The following SETD5 variants were observed in gnomAD, a reference collection of about 807,000 sequenced individuals.
SETD5 encodes the protein histone-lysine N-methyltransferase SETD5.
SETD5 carries 44 observed loss-of-function variants against 153.3 expected under a neutral mutation model. The ratio of observed to expected loss-of-function variants is 0.29; its 90% confidence interval spans 0.23 to 0.37. The LOEUF (loss-of-function observed/expected upper bound fraction) is 0.37. Ranked by LOEUF, SETD5 falls within the 10% of genes least tolerant of loss-of-function variation. The pLI is 1.00. For synonymous variants in SETD5, 716 were observed against 645.2 expected (o/e 1.11, Z -1.66); for missense variants, 1,544 against 1,768.0 (o/e 0.87, Z 2.27).
intron 17 of SETD5, among the ~76,000 whole-genome samples, chr3:9,458,966 A>G (rs1406383741): frequency 2.0e-5 from 3 of 152,216 alleles, no homozygotes; most frequent in Non-Finnish European, 1.5e-5. Context: ...AACCACTGCA[A>G]TCAACACATT....
At chr3:9,462,226 C>G (rs1175181473) in intron 17 of SETD5, among the ~76,000 whole-genome samples, 1 of 152,154 alleles carries the variant, frequency 6.6e-6, no homozygotes, top group African/African-American at 2.4e-5. Context: ...CCTTGAAGGC[C>G]TGGAATAAAT....
chr3:9,437,046 G>A (rs1455583451), intron 7 of SETD5, among the ~76,000 whole-genome samples: 1 of 152,182 alleles, frequency 6.6e-6, no homozygotes, highest in Non-Finnish European at 1.5e-5. Flanking sequence ...TTTCTCCAAA[G>A]TAGATTTTCT....
intron 12 of SETD5, 39 bp from the exon 13 acceptor site, chr3:9,445,618 A>G (rs1245792470): frequency 4.5e-6 from 7 of 1,549,782 alleles, no homozygotes; most frequent in Admixed American, 3.5e-5. Flanking sequence ...ATTTTTTCTC[A>G]GAGCTTGAGT....
At chr3:9,440,224 A>T (rs1372508853) in intron 7 of SETD5, among the ~76,000 whole-genome samples, 1 of 152,184 alleles carries the variant, frequency 6.6e-6, no homozygotes, top group Non-Finnish European at 1.5e-5. Flanking sequence ...TTACTTTATA[A>T]ATGGAGAAAC....
At chr3:9,446,405 T>G (rs2042014439) in intron 13 of SETD5, among the ~76,000 whole-genome samples, 1 of 152,146 alleles carries the variant, frequency 6.6e-6, no homozygotes, top group South Asian at 2.1e-4. Flanking sequence ...GTTCTGAAGT[T>G]TTTTTAAACC....
chr3:9,436,798 C>G, intron 7 of SETD5: 1 of 1,505,666 alleles, frequency 6.6e-7, no homozygotes, highest in Non-Finnish European at 9.0e-7. Context: ...GTATAACTGT[C>G]ATTCTTGGTA....
intron 7 of SETD5, among the ~76,000 whole-genome samples, chr3:9,437,657 T>C (rs541759905): frequency 1.1e-4 from 16 of 152,182 alleles, no homozygotes; most frequent in Admixed American, 2.0e-4. Flanking sequence ...TATTCCTAAA[T>C]GATACAAAAG....
intron 16 of SETD5, chr3:9,449,646 A>T (rs1422928924): frequency 1.3e-5 from 2 of 152,240 alleles, no homozygotes; most frequent in African/African-American, 2.4e-5. Context: ...TCCCCAAAGA[A>T]CAGAAGTTAT....
intron 3 of SETD5, chr3:9,430,219 A>G (rs976470023): frequency 1.0e-6 from 1 of 985,002 alleles, no homozygotes; most frequent in East Asian, 1.1e-4. Flanking sequence ...AAGAGCATGT[A>G]TATTTCTTCA....
rs763827023 is a variant in SETD5 at position 9,474,537 on chromosome 3, G to C, written c.3586G>C (p.Glu1196Gln). The C allele has an allele frequency of 6.2e-7, 1 of 1,613,936 alleles. No individual in the cohort carries two copies. The highest frequency in any genetic ancestry group is 8.5e-7 in the Non-Finnish European group (1 of 1,179,868). Residue 1196 changes from glutamate (E) to glutamine (Q), a missense_variant, in exon 21 of 23, where the codon GAG becomes CAG. By Grantham distance (29) the Glu-to-Gln change is conservative. Transcript: ENST00000402198. ...RSSVRVAQKG[E>Q]PSPTWESNIT... The stretch of plus-strand genomic sequence containing the variant: ...CAGCGTGAGGGTGGCCCAAAAGGGA[G>C]AGCCCTCTCCCACATGGGAGAGTAA...
intron 1 of SETD5, among the ~76,000 whole-genome samples, chr3:9,412,373 G>A (rs1396253674): frequency 7.2e-6 from 1 of 138,190 alleles, no homozygotes; most frequent in Non-Finnish European, 1.5e-5. Context: ...GCAAACTACA[G>A]TGCACAGTTT....
At chr3:9,414,296 A>G (rs191585316) in intron 1 of SETD5, among the ~76,000 whole-genome samples, 83 of 152,322 alleles carry the variant, frequency 5.4e-4, no homozygotes, top group African/African-American at 1.9e-3. Context: ...TTGGAATTCA[A>G]AATGTGAAAA....
rs554993596 is a variant in SETD5 at position 9,411,134 on chromosome 3, C to T, written c.-177+13157C>T. On this transcript the variant is annotated intron_variant, in intron 1 of 22. Coordinates refer to ENST00000402198, the MANE Select transcript of SETD5 (RefSeq NM_001080517.3). Reference sequence around the variant, plus strand: ...GAACTCCTAACTTCAGGTGAGCCACCGCACCTGGCCAAAATTCTCTCTCTT... The same window carrying T: ...GAACTCCTAACTTCAGGTGAGCCACTGCACCTGGCCAAAATTCTCTCTCTT... Among the ~76,000 whole-genome samples the T allele has an allele frequency of 1.2e-4, 19 of 152,158 alleles. No individual in the cohort carries two copies. The East Asian group carries it at 1.7e-3, about 14-fold the overall frequency.
At chr3:9,401,671 G>A (rs1247312053) in intron 1 of SETD5, among the ~76,000 whole-genome samples, 1 of 152,152 alleles carries the variant, frequency 6.6e-6, no homozygotes, top group African/African-American at 2.4e-5. Flanking sequence ...ATAGTTAACA[G>A]CAGTCAATGA....
At chr3:9,454,586 C>A (rs530441160) in intron 17 of SETD5, among the ~76,000 whole-genome samples, 2 of 126,768 alleles carry the variant, frequency 1.6e-5, no homozygotes, top group East Asian at 4.9e-4. Context: ...CACGCCACTG[C>A]ACTCCAGCCT....
At chr3:9,457,186 A>G (rs1299033678) in intron 17 of SETD5, among the ~76,000 whole-genome samples, 1 of 152,072 alleles carries the variant, frequency 6.6e-6, no homozygotes, top group African/African-American at 2.4e-5. Context: ...TGAAAAACTT[A>G]GAATTAATAA....
intron 7 of SETD5, chr3:9,436,905 G>C (rs551194210): frequency 6.5e-7 from 1 of 1,548,664 alleles, no homozygotes; most frequent in African/African-American, 1.4e-5. Context: ...GGTAATCTTC[G>C]CTGATGCTGT....
At position 9,453,559 on chromosome 3, in the gene SETD5, TAAAAG is replaced by T. The variant is rs543977131; in HGVS notation, c.2347-179_2347-175del. Among the ~76,000 whole-genome samples the T allele has an allele frequency of 3.9e-5, 6 of 152,264 alleles. No homozygotes were observed. The South Asian group carries it at 1.2e-3, about 32-fold the overall frequency. On this transcript the variant is annotated intron_variant, in intron 16 of 22. Coordinates refer to ENST00000402198, the MANE Select transcript of SETD5 (RefSeq NM_001080517.3). ...TCCAGATTTCCTCAAGTTTTTCAGT[TAAAAG>T]GAATTGATAGGACAATGTTCCAATA...
chr3:9,443,735 T>C (rs1575440549), intron 11 of SETD5, among the ~76,000 whole-genome samples: 1 of 152,230 alleles, frequency 6.6e-6, no homozygotes, highest in East Asian at 1.9e-4. Flanking sequence ...CATCCTGTTG[T>C]TATGCACAGA....
Sources: allele counts gnomAD v4.1 joint callset (sites outside exome capture counted in the v4.1 genomes callset), GRCh38; gene constraint gnomAD v4.1.1; transcripts MANE v1.5; gene names NCBI Gene and HGNC (gene_info 2026-07-23, HGNC 2026-07-21).